The following DENND1A variants were observed in gnomAD, a reference collection of about 807,000 sequenced individuals.
DENND1A encodes DENN domain-containing protein 1A.
DENND1A carries 51 observed loss-of-function variants against 113.7 expected under a neutral mutation model. The observed-to-expected ratio is 0.45, with a 90% confidence interval of 0.36 to 0.57. The LOEUF (loss-of-function observed/expected upper bound fraction) is 0.57. DENND1A is among the 20% of genes least tolerant of loss of function. DENND1A has a pLI of 0.00. For missense variants in DENND1A, 1,258 were observed against 1,395.9 expected, an observed-to-expected ratio of 0.90 and a Z score of 1.57; for synonymous variants, 565 against 570.8, an observed-to-expected ratio of 0.99 and a Z score of 0.14.
At chr9:123,454,228 T>A (rs529581068) in intron 16 of DENND1A, among the ~76,000 whole-genome samples, 1 of 152,264 alleles carries the variant, frequency 6.6e-6, no homozygotes, top group African/African-American at 2.4e-5. Flanking sequence ...GACACCTCAA[T>A]TATAAACTGA....
At chr9:123,880,227 G>A (rs1276404341) in intron 1 of DENND1A, among the ~76,000 whole-genome samples, 1 of 152,000 alleles carries the variant, frequency 6.6e-6, no homozygotes, top group Non-Finnish European at 1.5e-5. Flanking sequence ...TGGCCAGGCT[G>A]GTCTCGAATT....
Position 123,629,498 on chromosome 9 carries a change from T to C in DENND1A, c.719+878A>G, listed in dbSNP as rs535472729. On this transcript the variant is annotated intron_variant, in intron 10 of 23. Coordinates refer to ENST00000394215, the MANE Select transcript of DENND1A (RefSeq NM_001352964.2). ...ATGATGTGTCTGCGGAAACATTTTCTGAGCTACCATGAGCCAGCTTTTCTA... is the reference window on the plus strand; with the variant it reads ...ATGATGTGTCTGCGGAAACATTTTCCGAGCTACCATGAGCCAGCTTTTCTA... Among the ~76,000 whole-genome samples the C allele has an allele frequency of 3.9e-5, 6 of 152,382 alleles. No individual in the cohort carries two copies. The South Asian group carries it at 1.2e-3, about 32-fold the overall frequency.
At chr9:123,803,248 A>G (rs1197450462) in intron 2 of DENND1A, among the ~76,000 whole-genome samples, 1 of 152,216 alleles carries the variant, frequency 6.6e-6, no homozygotes, top group Admixed American at 6.5e-5. Context: ...AGTTTAAGGT[A>G]TGTGGCTGGA....
chr9:123,540,698 G>A (rs2056221066), intron 13 of DENND1A, among the ~76,000 whole-genome samples: 1 of 152,182 alleles, frequency 6.6e-6, no homozygotes, highest in Admixed American at 6.5e-5. Flanking sequence ...TGAAACCAGA[G>A]AGACGAAAGA....
chr9:123,413,680 T>G, intron 19 of DENND1A: 7 of 985,494 alleles, frequency 7.1e-6, no homozygotes, highest in Non-Finnish European at 8.4e-6. Flanking sequence ...TCCTATGCCA[T>G]TAGCTGGGCG....
In DENND1A at chr9:123,929,890, T is replaced by C; in HGVS notation, c.16A>G (p.Lys6Glu). The stretch of plus-strand genomic sequence containing the variant: ...TCCGCCCGGCCCGGCCGCACTCACT[T>C]GATCCTGGAGCCCATGGTCCCCAGG... MGSRI[K>E]QNPETTFEVY... is the part of the protein sequence containing the mutation. The change falls in exon 1 of 24, where the codon AAG becomes GAG. Residue 6 changes from lysine (K) to glutamate (E), a missense_variant and splice_region_variant. Physicochemically the swap from Lys to Glu is moderately conservative, Grantham distance 56. This residue lies in a region of DENND1A where 99 missense variants were observed against 164.2 expected (regional missense o/e 0.60). Transcript: ENST00000394215. The C allele has an allele frequency of 3.0e-6, 1 of 328,894 alleles. No individual in the cohort carries two copies. The highest frequency in any genetic ancestry group is 5.7e-6 in the Non-Finnish European group (1 of 176,216). The allele number at this position is 328,894 out of a possible 1,614,324, so 20.4% of individuals were successfully genotyped here. A position where few individuals can be genotyped will look rare whatever the true frequency, so the allele number is the denominator to read the frequency against.
chr9:123,459,510 TTA>T (rs754388719), intron 13 of DENND1A, among the ~76,000 whole-genome samples: 12 of 152,192 alleles, frequency 7.9e-5, no homozygotes, highest in Non-Finnish European at 1.5e-4. Context: ...AAACCATGTT[TTA>T]TGAGTCAAGA....
chr9:123,654,887 C>T (rs564699936), intron 8 of DENND1A, among the ~76,000 whole-genome samples: 2 of 152,178 alleles, frequency 1.3e-5, no homozygotes, highest in East Asian at 3.9e-4. Flanking sequence ...TGGGGCAGAG[C>T]GGGGCCCCAG....
At chr9:123,734,233 C>G (rs552944374) in intron 5 of DENND1A, among the ~76,000 whole-genome samples, 1 of 152,240 alleles carries the variant, frequency 6.6e-6, no homozygotes, top group East Asian at 1.9e-4. Context: ...ACATTCACCC[C>G]AAAAGGAGAA....
At chr9:123,827,997 G>C (rs659967) in intron 2 of DENND1A, among the ~76,000 whole-genome samples, 44,318 of 151,972 alleles carry the variant, frequency 0.29, 10,282 homozygotes, top group African/African-American at 0.65. Context: ...AAAAAATTAC[G>C]AAGTAAACAG....
chr9:123,604,476 T>A (rs947282011), intron 11 of DENND1A, among the ~76,000 whole-genome samples: 1 of 152,188 alleles, frequency 6.6e-6, no homozygotes, highest in Admixed American at 6.5e-5. Flanking sequence ...ATAAACATGG[T>A]GCCCCGTACA....
intron 13 of DENND1A, among the ~76,000 whole-genome samples, chr9:123,497,827 A>AG (rs2052076804): frequency 6.6e-6 from 1 of 151,968 alleles, no homozygotes. Flanking sequence ...AAAAAAAAAA[A>AG]AAAAGAAAAA....
rs546395419 is a variant in DENND1A, at chr9:123,414,893, T to C, written c.1489-3064A>G. On this transcript the variant is annotated intron_variant, in intron 19 of 23. Transcript: ENST00000394215. ...CTTCTCTGTTTACCATAGGGTCTAG[T>C]AGAGTACTTGATACCTAATAGGTGC... Among the ~76,000 whole-genome samples the C allele has an allele frequency of 3.9e-5, 6 of 152,348 alleles. 1 individual carries two copies. The highest frequency in any genetic ancestry group is 1.4e-4 in the African/African-American group (6 of 41,576).
chr9:123,676,290 T>G (rs2064072670), intron 6 of DENND1A, among the ~76,000 whole-genome samples: 1 of 152,184 alleles, frequency 6.6e-6, no homozygotes, highest in Admixed American at 6.6e-5. Context: ...TCAGGACAGC[T>G]GGGTAGGTCA....
intron 2 of DENND1A, among the ~76,000 whole-genome samples, chr9:123,877,266 G>A (rs1023185718): frequency 1.3e-4 from 19 of 151,920 alleles, no homozygotes; most frequent in Middle Eastern, 3.4e-3. Flanking sequence ...TGAGGCAGGC[G>A]GATAACGAGG....
chr9:123,761,155 A>C (rs1158475087), intron 4 of DENND1A, among the ~76,000 whole-genome samples: 2 of 152,204 alleles, frequency 1.3e-5, no homozygotes, highest in South Asian at 4.1e-4. Flanking sequence ...AAATGTGTTT[A>C]GCTACCCTAC....
intron 2 of DENND1A, among the ~76,000 whole-genome samples, chr9:123,796,716 A>G (rs1197395737): frequency 6.6e-6 from 1 of 150,888 alleles, no homozygotes; most frequent in African/African-American, 2.4e-5. Flanking sequence ...GTGGTTACGT[A>G]TGAGGGCTCA....
intron 1 of DENND1A, among the ~76,000 whole-genome samples, chr9:123,884,997 G>GCGCGCACACA (rs370719014): frequency 2.1e-5 from 3 of 145,836 alleles, no homozygotes; most frequent in African/African-American, 7.6e-5. Context: ...GAGCGCGCGC[G>GCGCGCACACA]CACACACACA....
intron 4 of DENND1A, among the ~76,000 whole-genome samples, chr9:123,766,016 C>T (rs1469058590): frequency 2.6e-5 from 4 of 152,166 alleles, no homozygotes; most frequent in Non-Finnish European, 4.4e-5. Flanking sequence ...GTTTTAAAAT[C>T]CTGTGGTCTT....
Sources: gnomAD v4.1 joint callset for allele counts (sites outside exome capture counted in the v4.1 genomes callset) on GRCh38, gnomAD v4.1.1 for gene constraint, gnomAD v4.1.1 regional missense constraint, MANE v1.5 for transcripts, NCBI Gene and HGNC (gene_info 2026-07-23, HGNC 2026-07-21) for gene names.